Variants in OSER1 observed in about 807,000 individuals in gnomAD.
OSER1 encodes oxidative stress responsive serine rich 1.
In OSER1, 15 loss-of-function variants were observed where a neutral mutation model predicts 26.3. The ratio of observed to expected loss-of-function variants is 0.57; its 90% confidence interval spans 0.38 to 0.88. The LOEUF is 0.88. OSER1 is among the 40% of genes least tolerant of loss of function. The pLI is 0.00. For synonymous variants in OSER1, 127 were observed against 128.2 expected, an observed-to-expected ratio of 0.99 and a Z score of 0.07; for missense variants, 313 against 353.9, an observed-to-expected ratio of 0.88 and a Z score of 0.93.
chr20:44,198,183 T>C (rs2072942068), intron 3 of OSER1, among the ~76,000 whole-genome samples: 2 of 152,186 alleles, frequency 1.3e-5, no homozygotes, highest in African/African-American at 4.8e-5. Context: ...CATTATGCCA[T>C]TACTATTAAA....
chr20:44,206,933 C>G lies in OSER1; in HGVS notation c.25G>C (p.Glu9Gln). MKSEAKDG[E>Q]EESLQTAFKK... is the part of the protein sequence containing the mutation. ...AAAGCAGTCTGTAGACTCTCCTCCT[C>G]TCCATCCTTGGCTTCGGATTTCATT... Residue 9 changes from glutamate (E) to glutamine (Q), a missense_variant, in exon 2 of 4, where the codon GAG (glutamate) becomes CAG (glutamine). Transcript: ENST00000255174. 1 of 1,605,458 alleles carries G rather than the reference C, an allele frequency of 6.2e-7. No homozygotes were observed. Among genetic ancestry groups the G allele is most frequent in the Non-Finnish European group, 8.5e-7 (1 of 1,172,446 alleles).
chr20:44,201,582 ACTGT>A (rs2072983079), intron 3 of OSER1, among the ~76,000 whole-genome samples: 1 of 152,210 alleles, frequency 6.6e-6, no homozygotes, highest in South Asian at 2.1e-4. Flanking sequence ...CTAAATAAAC[ACTGT>A]CTGCTTAAAT....
Position 44,197,405 on chromosome 20 carries a change from T to C in OSER1, c.526A>G (p.Ser176Gly). 1 of 1,614,198 alleles carries C rather than the reference T, an allele frequency of 6.2e-7. No homozygotes were observed. The highest frequency in any genetic ancestry group is 1.1e-5 in the South Asian group (1 of 91,084). Residue 176 changes from serine to glycine, a missense_variant, in exon 4 of 4, where the codon AGT (serine) becomes GGT (glycine). Ser to Gly is a moderately conservative substitution (Grantham distance 56). This residue lies in a region of OSER1 where 300 missense variants were observed against 318.3 expected (regional missense o/e 0.94). Transcript: ENST00000255174. The stretch of plus-strand genomic sequence containing the variant: ...TCAGAGAGATCACTGGCTTTGAGAC[T>C]TGCTTGGGGGACTTGGGTAGCGTCA... ...SSDATQVPQA[S>G]LKASDLSDFQ...
chr20:44,209,411 C>T lies in OSER1; in HGVS notation c.-42+1285G>A, dbSNP rs370186528. ...AGAGCATGTTTGTAATTATAAAAGG[C>T]TCATTATGCTCCTCTGCATCCCCAG... On this transcript the variant is annotated intron_variant, in intron 1 of 3. Transcript: ENST00000255174. Among the ~76,000 whole-genome samples the T allele has an allele frequency of 6.4e-4, 97 of 152,312 alleles. 2 individuals are homozygous for T. The highest frequency in any genetic ancestry group is 2.1e-3 in the African/African-American group (89 of 41,578).
rs114805721 is a variant in OSER1 at position 44,204,590 on chromosome 20, G to A, written c.78-1516C>T. Among the ~76,000 whole-genome samples, 1,395 of 152,134 alleles carry A rather than the reference G, an allele frequency of 9.2e-3. 19 individuals carry two copies. Among genetic ancestry groups the A allele is most frequent in the African/African-American group, 0.032 (1,340 of 41,506 alleles). ...ACACAGGATTGTTCATGGGTATACT[G>A]GACCCAGGTAGTGAACACAGTACCC... On this transcript the variant is annotated intron_variant, in intron 2 of 3. Coordinates refer to ENST00000255174, the MANE Select transcript of OSER1 (RefSeq NM_016470.8).
chr20:44,199,868 A>G (rs544578145), intron 3 of OSER1, among the ~76,000 whole-genome samples: 8 of 152,238 alleles, frequency 5.3e-5, no homozygotes, highest in East Asian at 1.9e-4. Flanking sequence ...CATATCCCCT[A>G]TGGATAAGAG....
chr20:44,201,729 A>G lies in OSER1; in HGVS notation c.191+1232T>C, dbSNP rs145113795. 7.6e-3 allele frequency among the ~76,000 whole-genome samples: 1,155 copies of G among 152,338 alleles called. 22 individuals carry two copies. Among genetic ancestry groups the G allele is most frequent in the African/African-American group, 0.026 (1,074 of 41,570 alleles). On this transcript the variant is annotated intron_variant, in intron 3 of 3. Coordinates refer to ENST00000255174, the MANE Select transcript of OSER1 (RefSeq NM_016470.8). Reference sequence around the variant, plus strand: ...TTACCATTAATTTTTGTCTTTGTTAAAAGCATGCATGGTAAAATCAAGGCT... The same window carrying G: ...TTACCATTAATTTTTGTCTTTGTTAGAAGCATGCATGGTAAAATCAAGGCT...
Position 44,196,780 on chromosome 20 carries a change from T to G in OSER1, c.*272A>C, listed in dbSNP as rs948968661. On this transcript the variant is annotated 3_prime_UTR_variant, in exon 4 of 4. Transcript: ENST00000255174. ...TTTACCATATACCCACTGCTGCCAG[T>G]CTCAAGTAATTATGGTTTCTTCATC... The G allele has an allele frequency of 8.3e-6, 3 of 359,344 alleles. No homozygotes were observed. Among genetic ancestry groups the G allele is most frequent in the Admixed American group, 8.6e-5 (2 of 23,382 alleles). The allele number at this position is 359,344 out of a possible 1,614,324, so 22.3% of individuals were successfully genotyped here. A position where few individuals can be genotyped will look rare whatever the true frequency, so the allele number is the denominator to read the frequency against.
chr20:44,203,224 C>A, intron 2 of OSER1, 150 bp from the exon 3 acceptor site: 1 of 542,080 alleles, frequency 1.8e-6, no homozygotes, highest in Non-Finnish European at 3.3e-6. Context: ...TGTAAATTTT[C>A]CTTCAAAACC....
upstream of OSER1, among the ~76,000 whole-genome samples, chr20:44,211,729 A>G (rs1449056697): frequency 6.6e-6 from 1 of 152,170 alleles, no homozygotes; most frequent in Non-Finnish European, 1.5e-5. Context: ...AACAGCTGCC[A>G]CCCGCTCCAT....
chr20:44,206,329 A>G (rs1190534503), intron 2 of OSER1, among the ~76,000 whole-genome samples: 2 of 152,200 alleles, frequency 1.3e-5, no homozygotes, highest in African/African-American at 4.8e-5. Context: ...TACACAGAAC[A>G]TTTTGCAAAG....
At position 44,200,791 on chromosome 20, in the gene OSER1, G is replaced by T. The variant is rs779907350; in HGVS notation, c.191+2170C>A. On this transcript the variant is annotated intron_variant, in intron 3 of 3. Coordinates refer to ENST00000255174, the MANE Select transcript of OSER1 (RefSeq NM_016470.8). ...TGTAGCAAAACTATAGAATAGCAAAGACAACAGGAAGATCTTAAAAGCAGC... is the reference window on the plus strand; with the variant it reads ...TGTAGCAAAACTATAGAATAGCAAATACAACAGGAAGATCTTAAAAGCAGC... Among the ~76,000 whole-genome samples the T allele has an allele frequency of 5.5e-4, 83 of 152,178 alleles. 1 individual carries two copies. Among genetic ancestry groups the T allele is most frequent in the Non-Finnish European group, 1.5e-4 (10 of 68,036 alleles).
At chr20:44,197,847 G>A (rs2072938059) in intron 3 of OSER1, 108 bp from the exon 4 acceptor site, 13 of 680,746 alleles carry the variant, frequency 1.9e-5, no homozygotes, top group Non-Finnish European at 3.2e-5. Context: ...ATGAGTCTAA[G>A]CTCATAAATT....
At chr20:44,204,831 G>A (rs2073022618) in intron 2 of OSER1, among the ~76,000 whole-genome samples, 2 of 151,758 alleles carry the variant, frequency 1.3e-5, no homozygotes, top group South Asian at 4.2e-4. Context: ...TACCAAAATG[G>A]CTTAATTTTA....
intron 1 of OSER1, among the ~76,000 whole-genome samples, chr20:44,209,558 G>A (rs2073076094): frequency 1.3e-5 from 2 of 152,148 alleles, no homozygotes; most frequent in East Asian, 1.9e-4. Context: ...CAGTGAACTC[G>A]TGAAGTTGAA....
Position 44,196,918 on chromosome 20 carries a change from GA to G in OSER1, c.*133del, listed in dbSNP as rs753897471. 2 of 639,110 alleles carry G rather than the reference GA, an allele frequency of 3.1e-6. No homozygotes were observed. Among genetic ancestry groups the G allele is most frequent in the East Asian group, 5.3e-5 (2 of 37,652 alleles). 39.6% of individuals were successfully genotyped at this position (639,110 alleles called of 1,614,324 possible). On this transcript the variant is annotated 3_prime_UTR_variant, in exon 4 of 4. Coordinates refer to ENST00000255174, the MANE Select transcript of OSER1 (RefSeq NM_016470.8). ...GAATGAAGATTAACTGAGATGCCAA[GA>G]AAAGTTTTTATTGCAAGCACAGTGA...
At position 44,206,977 on chromosome 20, in the gene OSER1, CT is replaced by C; in HGVS notation, c.-21del. Reference sequence around the variant, plus strand: ...TTTCATTGTGCAAGTTTTTACACTACTTATCGATGTTCCTGTTTACACTAAA... The same window carrying C: ...TTTCATTGTGCAAGTTTTTACACTACTATCGATGTTCCTGTTTACACTAAA... On this transcript the variant is annotated 5_prime_UTR_variant, in exon 2 of 4. Transcript: ENST00000255174. 1 of 1,584,624 alleles carries C rather than the reference CT, an allele frequency of 6.3e-7. No individual in the cohort carries two copies. Among genetic ancestry groups the C allele is most frequent in the Non-Finnish European group, 8.7e-7 (1 of 1,154,608 alleles).
upstream of OSER1, chr20:44,211,297 G>A (rs931911292): frequency 2.6e-5 from 4 of 152,288 alleles, no homozygotes; most frequent in African/African-American, 2.4e-5. Flanking sequence ...ACCTCTCCGG[G>A]ACTCGGACAC....
intron 3 of OSER1, among the ~76,000 whole-genome samples, chr20:44,199,567 T>C (rs189811611): frequency 6.6e-6 from 1 of 152,230 alleles, no homozygotes; most frequent in African/African-American, 2.4e-5. Flanking sequence ...TGAAAGTTCT[T>C]GACTTAATAA....
Sources: gnomAD v4.1 joint callset for allele counts (sites outside exome capture counted in the v4.1 genomes callset) on GRCh38, gnomAD v4.1.1 for gene constraint, gnomAD v4.1.1 regional missense constraint, MANE v1.5 for transcripts, NCBI Gene and HGNC (gene_info 2026-07-23, HGNC 2026-07-21) for gene names.